CADM1: variants seen among roughly 807,000 people sequenced by gnomAD.
CADM1 encodes the protein TSLC-1.
A neutral mutation model predicts 53.1 loss-of-function variants in CADM1; 15 were observed. The ratio of observed to expected loss-of-function variants is 0.28; its 90% CI spans 0.19 to 0.44. CADM1 has a LOEUF of 0.44. Among genes scored for constraint, CADM1 ranks in the 20% least tolerant of loss-of-function variants. CADM1 has a pLI of 1.00. For missense variants in CADM1, 434 were observed against 611.3 expected, an observed-to-expected ratio of 0.71 and a Z score of 3.06; for synonymous variants, 281 against 243.0, an observed-to-expected ratio of 1.16 and a Z score of -1.45.
At chr11:115,285,665 AG>A (rs1320009575) in intron 1 of CADM1, among the ~76,000 whole-genome samples, 1 of 152,226 alleles carries the variant, frequency 6.6e-6, no homozygotes, top group Non-Finnish European at 1.5e-5. Flanking sequence ...ACAAATACAA[AG>A]AGGGTATTCA....
chr11:115,209,133 T>C (rs1940830822), intron 8 of CADM1, among the ~76,000 whole-genome samples: 1 of 152,206 alleles, frequency 6.6e-6, no homozygotes, highest in African/African-American at 2.4e-5. Context: ...ACTATGCATT[T>C]AGTAGCATGG....
intron 1 of CADM1, among the ~76,000 whole-genome samples, chr11:115,268,080 G>A (rs1943196866): frequency 6.6e-6 from 1 of 152,208 alleles, no homozygotes; most frequent in Non-Finnish European, 1.5e-5. Flanking sequence ...TCTTTACGAA[G>A]AATTGTTTTT....
intron 7 of CADM1, among the ~76,000 whole-genome samples, chr11:115,210,045 G>A (rs1940886545): frequency 6.6e-6 from 1 of 152,238 alleles, no homozygotes; most frequent in South Asian, 2.1e-4. Flanking sequence ...AGGAGGAGGA[G>A]GAGGTGGTGC....
chr11:115,360,558 A>G (rs1350663014), intron 1 of CADM1, among the ~76,000 whole-genome samples: 1 of 152,216 alleles, frequency 6.6e-6, no homozygotes. Context: ...AAAATATATC[A>G]AAGCCAGATA....
intron 1 of CADM1, among the ~76,000 whole-genome samples, chr11:115,289,886 C>T (rs568113110): frequency 4.6e-4 from 70 of 152,206 alleles, no homozygotes; most frequent in Middle Eastern, 3.4e-3. Flanking sequence ...TGAACCACCG[C>T]GCCCGGCCCT....
At chr11:115,301,448 A>G (rs1384037741) in intron 1 of CADM1, among the ~76,000 whole-genome samples, 4 of 152,144 alleles carry the variant, frequency 2.6e-5, no homozygotes, top group Non-Finnish European at 5.9e-5. Flanking sequence ...AAGTCAAAAC[A>G]AAACAAAACA....
At chr11:115,369,497 T>C (rs1271311616) in intron 1 of CADM1, among the ~76,000 whole-genome samples, 1 of 152,158 alleles carries the variant, frequency 6.6e-6, no homozygotes, top group Admixed American at 6.6e-5. Context: ...ATTTTTCAAT[T>C]AAATTTTAAA....
Position 115,338,877 on chromosome 11 carries a change from ATTTTTTTTT to A in CADM1, c.125-98466_125-98458del, listed in dbSNP as rs56300408. Among the ~76,000 whole-genome samples, 4 of 127,754 alleles carry A rather than the reference ATTTTTTTTT, an allele frequency of 3.1e-5. No individual in the cohort carries two copies. In the South Asian group the frequency reaches 7.5e-4, roughly 24 times the overall value. 83.8% of individuals were successfully genotyped at this position (127,754 alleles called of 152,430 possible). A position where few individuals can be genotyped will look rare whatever the true frequency, so the allele number is the denominator to read the frequency against. ...TGTTCCACCTTCTTTTATTTTTTTT[ATTTTTTTTT>A]TTTTAATTTTTTTTTTTTTTTATTA... On this transcript the variant is annotated intron_variant, in intron 1 of 11. Coordinates refer to ENST00000331581, the MANE Select transcript of CADM1 (RefSeq NM_001301043.2).
chr11:115,494,267 G>A (rs1453390130), intron 1 of CADM1, among the ~76,000 whole-genome samples: 2 of 152,016 alleles, frequency 1.3e-5, no homozygotes, highest in African/African-American at 2.4e-5. Flanking sequence ...AAAGTTGAGG[G>A]AAAAATAGAC....
At chr11:115,245,236 C>G (rs1429377565) in intron 1 of CADM1, among the ~76,000 whole-genome samples, 1 of 152,092 alleles carries the variant, frequency 6.6e-6, no homozygotes, top group Non-Finnish European at 1.5e-5. Context: ...CTATGGAAGA[C>G]TGAACCTAAC....
intron 1 of CADM1, among the ~76,000 whole-genome samples, chr11:115,413,500 T>C (rs1219668293): frequency 2.0e-5 from 3 of 152,194 alleles, no homozygotes; most frequent in South Asian, 4.1e-4. Context: ...GAAAGAACTC[T>C]ATGAGGAAGA....
At chr11:115,498,310 G>A (rs1949664533) in intron 1 of CADM1, among the ~76,000 whole-genome samples, 1 of 152,188 alleles carries the variant, frequency 6.6e-6, no homozygotes, top group Admixed American at 6.5e-5. Context: ...AATGGAAAGA[G>A]ACATTTTTAT....
chr11:115,494,078 A>G (rs971614655), intron 1 of CADM1, among the ~76,000 whole-genome samples: 18 of 152,164 alleles, frequency 1.2e-4, no homozygotes, highest in African/African-American at 4.1e-4. Flanking sequence ...TCATGATGCA[A>G]TGTGCTTTCA....
At chr11:115,405,199 T>C (rs1358795915) in intron 1 of CADM1, among the ~76,000 whole-genome samples, 3 of 152,198 alleles carry the variant, frequency 2.0e-5, no homozygotes, top group Non-Finnish European at 4.4e-5. Flanking sequence ...GCCAACTTCC[T>C]ACCTCGGCTT....
intron 1 of CADM1, among the ~76,000 whole-genome samples, chr11:115,388,528 G>A (rs902828530): frequency 6.6e-6 from 1 of 152,076 alleles, no homozygotes; most frequent in African/African-American, 2.4e-5. Flanking sequence ...GCAATGCCCT[G>A]ATCAGATAAC....
chr11:115,420,535 G>A (rs1947727546), intron 1 of CADM1, among the ~76,000 whole-genome samples: 1 of 152,056 alleles, frequency 6.6e-6, no homozygotes, highest in South Asian at 2.1e-4. Context: ...GGTTACGATG[G>A]TGTCCAAAGA....
intron 1 of CADM1, among the ~76,000 whole-genome samples, chr11:115,320,016 G>A (rs1018942117): frequency 4.6e-5 from 7 of 152,010 alleles, no homozygotes; most frequent in Admixed American, 6.6e-5. Context: ...CTGAGTAAAC[G>A]GGAAACAATC....
At chr11:115,240,188 A>T (rs1244991474) in intron 2 of CADM1, 86 bp downstream of exon 2, 14 of 1,264,374 alleles carry the variant, frequency 1.1e-5, no homozygotes, top group African/African-American at 4.4e-5. Context: ...CATTAAATTT[A>T]AAAAAGGTGG....
chr11:115,476,606 G>A (rs1440736631), intron 1 of CADM1, among the ~76,000 whole-genome samples: 1 of 151,964 alleles, frequency 6.6e-6, no homozygotes, highest in Non-Finnish European at 1.5e-5. Flanking sequence ...CATTCTGTAG[G>A]GCATAATTTA....
Sources: gnomAD v4.1 joint callset for allele counts (sites outside exome capture counted in the v4.1 genomes callset) on GRCh38, gnomAD v4.1.1 for gene constraint, MANE v1.5 for transcripts, NCBI Gene and HGNC (gene_info 2026-07-23, HGNC 2026-07-21) for gene names.